Variants in KREMEN1 observed in about 807,000 individuals in gnomAD.
The protein encoded by KREMEN1 is kringle containing transmembrane protein 1.
A neutral mutation model predicts 46.5 loss-of-function variants in KREMEN1; 30 were observed. The observed-to-expected ratio is 0.65, with a 90% CI of 0.48 to 0.88. KREMEN1 has a LOEUF of 0.88. KREMEN1 is among the 40% of genes least tolerant of loss of function. The pLI is 0.00. For missense variants in KREMEN1, 533 were observed against 596.9 expected (o/e 0.89, Z 1.11); for synonymous variants, 214 against 230.6 (o/e 0.93, Z 0.65).
At chr22:29,126,707 A>G (rs1045533271) in intron 5 of KREMEN1, among the ~76,000 whole-genome samples, 10 of 152,240 alleles carry the variant, frequency 6.6e-5, no homozygotes, top group Non-Finnish European at 2.9e-5. Context: ...AAGGTTTATA[A>G]CTGAGCCTTT....
intron 1 of KREMEN1, among the ~76,000 whole-genome samples, chr22:29,080,127 G>A (rs1368292677): frequency 6.6e-6 from 1 of 152,164 alleles, no homozygotes; most frequent in Non-Finnish European, 1.5e-5. Context: ...CTTTTAAGGG[G>A]CTTTCCCCTT....
intron 5 of KREMEN1, among the ~76,000 whole-genome samples, chr22:29,136,924 T>C (rs577584958): frequency 6.6e-6 from 1 of 152,344 alleles, no homozygotes; most frequent in Non-Finnish European, 1.5e-5. Context: ...CAGAGTGGCC[T>C]GAGTGGTTCG....
At position 29,146,332 on chromosome 22, in the gene KREMEN1, G is replaced by A; in HGVS notation, c.*4220G>A. 2 of 985,866 alleles carry A rather than the reference G, an allele frequency of 2.0e-6. No homozygotes were observed. Among genetic ancestry groups the A allele is most frequent in the Non-Finnish European group, 1.2e-6 (1 of 829,952 alleles). 61.1% of individuals were successfully genotyped at this position (985,866 alleles called of 1,614,324 possible). On this transcript the variant is annotated 3_prime_UTR_variant, in exon 9 of 9. Coordinates refer to ENST00000400335, the MANE Select transcript of KREMEN1 (RefSeq NM_001039570.3). ...TCCCCTCAGGCTGGACGGCTCCGGG[G>A]TGACAGGGCTTCACCCTCTGCCTGC...
chr22:29,129,481 G>A (rs1374550706), intron 5 of KREMEN1, among the ~76,000 whole-genome samples: 1 of 152,214 alleles, frequency 6.6e-6, no homozygotes, highest in East Asian at 1.9e-4. Context: ...CCATGATTTA[G>A]GAGGGTGAAG....
chr22:29,149,059 G>A (rs1458537226), downstream of KREMEN1, among the ~76,000 whole-genome samples: 6 of 152,036 alleles, frequency 3.9e-5, no homozygotes, highest in South Asian at 2.1e-4. Context: ...GCATTGCCTC[G>A]ACATGGAGTC....
chr22:29,155,151 T>C (rs1230591322), intron 9 of KREMEN1, among the ~76,000 whole-genome samples: 3 of 151,050 alleles, frequency 2.0e-5, no homozygotes, highest in Non-Finnish European at 2.9e-5. Flanking sequence ...GGGAGGGAAA[T>C]ATATGTATGT....
intron 9 of KREMEN1, among the ~76,000 whole-genome samples, chr22:29,152,294 A>T (rs2038921189): frequency 6.6e-6 from 1 of 152,188 alleles, no homozygotes; most frequent in South Asian, 2.1e-4. Flanking sequence ...CCAAGGACAG[A>T]GTCTCCAGAT....
At chr22:29,083,035 G>A (rs984073338) in intron 1 of KREMEN1, among the ~76,000 whole-genome samples, 2 of 152,104 alleles carry the variant, frequency 1.3e-5, no homozygotes, top group Non-Finnish European at 2.9e-5. Flanking sequence ...CCAGCCTCCC[G>A]AGTAGCTGGG....
intron 1 of KREMEN1, among the ~76,000 whole-genome samples, chr22:29,075,094 T>C (rs2037545948): frequency 6.6e-6 from 1 of 152,154 alleles, no homozygotes; most frequent in Admixed American, 6.5e-5. Context: ...GCTCAGTAAG[T>C]GGTTTCTGAG....
downstream of KREMEN1, among the ~76,000 whole-genome samples, chr22:29,150,224 G>A (rs6006031): frequency 4.3e-4 from 54 of 125,814 alleles, no homozygotes; most frequent in Non-Finnish European, 8.3e-4. Flanking sequence ...CAACTGGTGG[G>A]GGGGGGGGCA....
At chr22:29,164,012 TCAAACCGCTGGGCTCAAGGGA>T (rs200186842) in intron 9 of KREMEN1, among the ~76,000 whole-genome samples, 4,335 of 151,846 alleles carry the variant, frequency 0.029, 208 homozygotes, top group African/African-American at 0.1. Context: ...CACTGCAGCC[TCAAACCGCTGGGCTCAAGGGA>T]CAAACCGCTG....
intron 1 of KREMEN1, among the ~76,000 whole-genome samples, chr22:29,091,975 G>T (rs1203685503): frequency 6.6e-6 from 1 of 152,182 alleles, no homozygotes; most frequent in Non-Finnish European, 1.5e-5. Context: ...TAAGGGAAGA[G>T]CTCTGCTTCA....
At chr22:29,115,732 G>A (rs867234206) in intron 3 of KREMEN1, among the ~76,000 whole-genome samples, 5 of 152,182 alleles carry the variant, frequency 3.3e-5, no homozygotes, top group Non-Finnish European at 7.3e-5. Context: ...GATAGGGTGG[G>A]GAGGATGGGA....
At position 29,137,555 on chromosome 22, in the gene KREMEN1, C is replaced by T; in HGVS notation, c.845C>T (p.Ala282Val). The T allele has an allele frequency of 6.2e-7, 1 of 1,613,896 alleles. No individual in the cohort carries two copies. Among genetic ancestry groups the T allele is most frequent in the Non-Finnish European group, 8.5e-7 (1 of 1,179,768 alleles). Residue 282 changes from alanine to valine, a missense_variant, in exon 6 of 9, where the codon GCC becomes GTC. Ala to Val is a moderately conservative substitution (Grantham distance 64). Coordinates refer to ENST00000400335, the MANE Select transcript of KREMEN1 (RefSeq NM_001039570.3). ...GATGGCTACACCCACCGTGTCCTAG[C>T]CCGCTTCCACGGGAGGAGCCGCCCA... ...LLDGYTHRVL[A>V]RFHGRSRPPL...
intron 3 of KREMEN1, among the ~76,000 whole-genome samples, chr22:29,114,017 A>G (rs2038193330): frequency 6.6e-6 from 1 of 152,186 alleles, no homozygotes; most frequent in East Asian, 1.9e-4. Flanking sequence ...AGCAGCCTTG[A>G]CAGCAACTGT....
intron 1 of KREMEN1, among the ~76,000 whole-genome samples, chr22:29,082,756 G>A (rs2037675446): frequency 6.6e-6 from 1 of 152,212 alleles, no homozygotes; most frequent in Non-Finnish European, 1.5e-5. Flanking sequence ...CAGGCACTGT[G>A]ACTTGTTTCA....
At chr22:29,159,881 T>C (rs1283150203) in intron 9 of KREMEN1, among the ~76,000 whole-genome samples, 1 of 152,176 alleles carries the variant, frequency 6.6e-6, no homozygotes, top group Non-Finnish European at 1.5e-5. Context: ...ACTCTACTTA[T>C]ATATATGTAG....
chr22:29,107,298 A>G (rs2038077519), intron 3 of KREMEN1, among the ~76,000 whole-genome samples: 1 of 139,964 alleles, frequency 7.1e-6, no homozygotes, highest in Admixed American at 8.0e-5. Flanking sequence ...ATCTCAGCTC[A>G]CTGCAACCTC....
At chr22:29,163,669 G>A (rs575084609) in intron 9 of KREMEN1, among the ~76,000 whole-genome samples, 5 of 152,056 alleles carry the variant, frequency 3.3e-5, no homozygotes, top group Admixed American at 1.3e-4. Flanking sequence ...GAGCCACCAC[G>A]CCCGGCCTCA....
Sources: gnomAD v4.1 joint callset for allele counts (sites outside exome capture counted in the v4.1 genomes callset) on GRCh38, gnomAD v4.1.1 for gene constraint, MANE v1.5 for transcripts, NCBI Gene and HGNC (gene_info 2026-07-23, HGNC 2026-07-21) for gene names.